LYPD6: variants seen among roughly 807,000 people sequenced by gnomAD.
LYPD6 encodes the protein LY6/PLAUR domain containing 6.
LYPD6 carries 15 observed loss-of-function variants against 22.7 expected under a neutral mutation model. The ratio of observed to expected loss-of-function variants is 0.66; its 90% CI spans 0.44 to 1.02. The LOEUF is 1.02. Among genes scored for constraint, LYPD6 ranks in the 50% least tolerant of loss-of-function variants. The probability of loss-of-function intolerance (pLI) is 0.00; values close to 1 mark genes in which losing one functional copy is unlikely to be tolerated. For synonymous variants in LYPD6, 72 were observed against 77.5 expected, an observed-to-expected ratio of 0.93 and a Z score of 0.37; for missense variants, 189 against 208.4, an observed-to-expected ratio of 0.91 and a Z score of 0.57.
intron 3 of LYPD6, among the ~76,000 whole-genome samples, chr2:149,458,528 A>G (rs62190610): frequency 0.011 from 1,677 of 152,318 alleles, 20 homozygotes; most frequent in Non-Finnish European, 0.017. Flanking sequence ...CAATATGTCC[A>G]GGCTTCAATA....
chr2:149,344,810 C>T (rs535789787), intron 1 of LYPD6, among the ~76,000 whole-genome samples: 5 of 152,124 alleles, frequency 3.3e-5, no homozygotes, highest in African/African-American at 9.7e-5. Flanking sequence ...AATTAGACCT[C>T]CTCCTACAAA....
intron 1 of LYPD6, among the ~76,000 whole-genome samples, chr2:149,433,343 C>T (rs779958072): frequency 5.9e-5 from 9 of 152,152 alleles, no homozygotes; most frequent in Middle Eastern, 3.2e-3. Flanking sequence ...ATTTCATCCA[C>T]GCTGATCCAC....
At chr2:149,414,547 T>G (rs1559143570) in intron 1 of LYPD6, among the ~76,000 whole-genome samples, 1 of 152,244 alleles carries the variant, frequency 6.6e-6, no homozygotes, top group Admixed American at 6.5e-5. Context: ...AATTATACTT[T>G]TAACATTTCT....
intron 3 of LYPD6, among the ~76,000 whole-genome samples, chr2:149,457,975 C>T (rs1681001818): frequency 6.6e-6 from 1 of 152,104 alleles, no homozygotes; most frequent in African/African-American, 2.4e-5. Context: ...CAAAATAACC[C>T]CCCAACAGAA....
At chr2:149,439,167 A>G (rs1181709495) in intron 2 of LYPD6, among the ~76,000 whole-genome samples, 2 of 152,192 alleles carry the variant, frequency 1.3e-5, no homozygotes, top group African/African-American at 4.8e-5. Context: ...TGCTGAGAAT[A>G]CAATGCTCCA....
At chr2:149,346,026 A>G (rs1681249671) in intron 1 of LYPD6, among the ~76,000 whole-genome samples, 1 of 152,160 alleles carries the variant, frequency 6.6e-6, no homozygotes, top group South Asian at 2.1e-4. Context: ...CTGGCAGAGA[A>G]TAGATGTCAA....
At chr2:149,416,842 A>T (rs1244101574) in intron 1 of LYPD6, among the ~76,000 whole-genome samples, 1 of 152,224 alleles carries the variant, frequency 6.6e-6, no homozygotes, top group African/African-American at 2.4e-5. Context: ...CTTCACCTGC[A>T]CATTTAGAAG....
intron 2 of LYPD6, among the ~76,000 whole-genome samples, chr2:149,442,245 A>C (rs1426362524): frequency 2.0e-5 from 3 of 152,198 alleles, no homozygotes; most frequent in Admixed American, 6.5e-5. Context: ...CTTTCAAAAC[A>C]AAAGTCTGTT....
rs529162597 is a variant in LYPD6, at chr2:149,457,966, A to C, written c.217+8819A>C. Among the ~76,000 whole-genome samples the C allele has an allele frequency of 5.9e-5, 9 of 152,318 alleles. No homozygotes were observed. In the East Asian group the frequency reaches 1.7e-3, roughly 29 times the overall value. On this transcript the variant is annotated intron_variant, in intron 3 of 4. Coordinates refer to ENST00000334166, the MANE Select transcript of LYPD6 (RefSeq NM_194317.5). Reference sequence around the variant, plus strand: ...TCCTGCAAATGCCATAGGCACTGGCAAAATAACCCCCCAACAGAAGTTTGC... The same window carrying C: ...TCCTGCAAATGCCATAGGCACTGGCCAAATAACCCCCCAACAGAAGTTTGC...
intron 3 of LYPD6, among the ~76,000 whole-genome samples, chr2:149,468,398 A>C (rs1681254537): frequency 6.6e-6 from 1 of 152,106 alleles, no homozygotes; most frequent in Admixed American, 6.5e-5. Context: ...AGGAGAAACC[A>C]TTGTGTCTTG....
At chr2:149,460,544 C>T (rs2105174324) in intron 3 of LYPD6, among the ~76,000 whole-genome samples, 1 of 152,178 alleles carries the variant, frequency 6.6e-6, no homozygotes, top group East Asian at 1.9e-4. Context: ...TAGTTGGAGA[C>T]TTCAACACCA....
At chr2:149,353,486 G>A (rs932877788) in intron 1 of LYPD6, among the ~76,000 whole-genome samples, 4 of 152,254 alleles carry the variant, frequency 2.6e-5, no homozygotes, top group South Asian at 4.1e-4. Flanking sequence ...TGTAATTATG[G>A]TAGCTCTTCT....
At chr2:149,395,929 T>G (rs2105103398) in intron 1 of LYPD6, among the ~76,000 whole-genome samples, 1 of 152,350 alleles carries the variant, frequency 6.6e-6, no homozygotes, top group African/African-American at 2.4e-5. Context: ...GATTTGCTGA[T>G]GTGAAAACTG....
At chr2:149,453,805 G>GAAT (rs1266175373) in intron 3 of LYPD6, among the ~76,000 whole-genome samples, 2 of 152,184 alleles carry the variant, frequency 1.3e-5, no homozygotes, top group African/African-American at 4.8e-5. Context: ...CCTAAGGGTG[G>GAAT]AATTTTCTTC....
chr2:149,448,428 A>T (rs1396087921), intron 2 of LYPD6, among the ~76,000 whole-genome samples: 1 of 152,178 alleles, frequency 6.6e-6, no homozygotes, highest in Admixed American at 6.5e-5. Context: ...AGTTCTACCT[A>T]ATTTTATCAT....
At chr2:149,484,840 C>T in the LYPD6 span, among the ~76,000 whole-genome samples, 1,478 of 152,178 alleles carry the variant, frequency 9.7e-3, 18 homozygotes, top group Non-Finnish European at 0.015. Context: ...AAAGGTACTG[C>T]GTTTTTGGTG....
chr2:149,351,818 T>C (rs1371190512), intron 1 of LYPD6, among the ~76,000 whole-genome samples: 1 of 151,938 alleles, frequency 6.6e-6, no homozygotes, highest in East Asian at 1.9e-4. Flanking sequence ...TCCAGAAGGA[T>C]GTTGCTGTTA....
chr2:149,419,524 G>A (rs545648593), intron 1 of LYPD6, among the ~76,000 whole-genome samples: 19 of 152,256 alleles, frequency 1.2e-4, no homozygotes, highest in African/African-American at 4.3e-4. Context: ...TTCAGTTGTG[G>A]CTAGTGGCTC....
At chr2:149,417,545 C>T (rs1196646) in intron 1 of LYPD6, among the ~76,000 whole-genome samples, 150,868 of 152,190 alleles carry the variant, frequency 0.99, 74,795 homozygotes, top group Middle Eastern at 1. Context: ...AATGGGGAGA[C>T]TGCATGTTGG....
Sources: allele counts gnomAD v4.1 joint callset (sites outside exome capture counted in the v4.1 genomes callset), GRCh38; gene constraint gnomAD v4.1.1; transcripts MANE v1.5; gene names NCBI Gene and HGNC (gene_info 2026-07-23, HGNC 2026-07-21).